RBPJ: variants seen among roughly 807,000 people sequenced by gnomAD.
RBPJ encodes the protein recombining binding protein suppressor of hairless.
Under a neutral mutation model 67.8 loss-of-function variants are expected in RBPJ, and 9 were observed. The observed-to-expected ratio is 0.13, with a 90% CI of 0.08 to 0.23. RBPJ has a LOEUF of 0.23. Among genes scored for constraint, RBPJ ranks in the 10% least tolerant of loss-of-function variants. The probability of loss-of-function intolerance (pLI) is 1.00; values close to 1 mark genes in which losing one functional copy is unlikely to be tolerated. For synonymous variants in RBPJ, 198 were observed against 203.3 expected (o/e 0.97, Z 0.22); for missense variants, 305 against 595.6 (o/e 0.51, Z 5.08).
intron 2 of RBPJ, among the ~76,000 whole-genome samples, chr4:26,392,314 C>T (rs918771560): frequency 1.2e-4 from 18 of 152,160 alleles, no homozygotes; most frequent in African/African-American, 4.3e-4. Context: ...TCCATTCCTA[C>T]ATATTTAATC....
the RBPJ span, among the ~76,000 whole-genome samples, chr4:26,132,912 C>T: frequency 2.6e-5 from 4 of 152,184 alleles, no homozygotes; most frequent in Non-Finnish European, 5.9e-5. Flanking sequence ...GGCCCTGCTC[C>T]ATCATAGGTG....
intron 1 of RBPJ, among the ~76,000 whole-genome samples, chr4:26,205,795 G>A (rs866715586): frequency 6.6e-6 from 1 of 151,892 alleles, no homozygotes; most frequent in Non-Finnish European, 1.5e-5. Flanking sequence ...GTTTCACCAT[G>A]TTGGCCAGGC....
chr4:26,202,478 T>C (rs1214170076), intron 1 of RBPJ, among the ~76,000 whole-genome samples: 4 of 151,562 alleles, frequency 2.6e-5, no homozygotes, highest in African/African-American at 4.8e-5. Flanking sequence ...CACTCTTTCC[T>C]ATCTCAATAA....
At chr4:26,295,815 C>T (rs1310079048) in intron 1 of RBPJ, among the ~76,000 whole-genome samples, 2 of 152,176 alleles carry the variant, frequency 1.3e-5, no homozygotes, top group Admixed American at 6.5e-5. Context: ...TAGGGATTTC[C>T]TGCCTCTACA....
intron 5 of RBPJ, 59 bp downstream of exon 5, chr4:26,420,784 T>C: frequency 7.2e-7 from 1 of 1,388,676 alleles, no homozygotes; most frequent in South Asian, 1.6e-5. Context: ...AGACAGACTC[T>C]TTTTTAAATT....
At chr4:26,124,461 T>TAC in the RBPJ span, among the ~76,000 whole-genome samples, 8 of 121,328 alleles carry the variant, frequency 6.6e-5, no homozygotes, top group East Asian at 2.7e-4. Flanking sequence ...TATATATATA[T>TAC]ACCAGTTTCT....
intron 1 of RBPJ, among the ~76,000 whole-genome samples, chr4:26,194,618 G>A (rs1353019525): frequency 1.3e-5 from 2 of 152,166 alleles, no homozygotes; most frequent in Non-Finnish European, 2.9e-5. Flanking sequence ...GGGCCTGTAG[G>A]CCCCCACCTA....
chr4:26,247,572 G>A (rs549881572), intron 1 of RBPJ, among the ~76,000 whole-genome samples: 17 of 151,994 alleles, frequency 1.1e-4, no homozygotes, highest in South Asian at 2.1e-4. Context: ...CACCGCGTCC[G>A]GCTAATTTGG....
the RBPJ span, among the ~76,000 whole-genome samples, chr4:26,136,094 T>C: frequency 1.8e-4 from 28 of 152,146 alleles, no homozygotes; most frequent in African/African-American, 6.0e-4. Flanking sequence ...AGCCATCAGA[T>C]CCCGTGAGAC....
chr4:26,285,069 C>G (rs1171214314), intron 1 of RBPJ, among the ~76,000 whole-genome samples: 1 of 151,924 alleles, frequency 6.6e-6, no homozygotes, highest in African/African-American at 2.4e-5. Context: ...ATTGGCCAGG[C>G]TGATCTCGAA....
intron 7 of RBPJ, among the ~76,000 whole-genome samples, chr4:26,427,105 T>C (rs903877912): frequency 1.3e-5 from 2 of 151,374 alleles, no homozygotes; most frequent in Non-Finnish European, 2.9e-5. Flanking sequence ...GAGGCAAGAG[T>C]TGATGCTATC....
At chr4:26,107,956 G>C in the RBPJ span, among the ~76,000 whole-genome samples, 3 of 152,062 alleles carry the variant, frequency 2.0e-5, no homozygotes, top group Admixed American at 2.0e-4. Flanking sequence ...CTGCTTCATC[G>C]TGTAATGTGT....
At chr4:26,244,710 C>T (rs534054266) in intron 1 of RBPJ, among the ~76,000 whole-genome samples, 1 of 152,148 alleles carries the variant, frequency 6.6e-6, no homozygotes, top group South Asian at 2.1e-4. Context: ...TTGCTGCAAC[C>T]TCTGCCTCCC....
At chr4:26,179,288 T>G (rs1716899332) in intron 1 of RBPJ, among the ~76,000 whole-genome samples, 1 of 150,286 alleles carries the variant, frequency 6.7e-6, no homozygotes, top group Non-Finnish European at 1.5e-5. Flanking sequence ...GTGAGGTGAT[T>G]ACTGTGTTTT....
the RBPJ span, among the ~76,000 whole-genome samples, chr4:26,121,351 G>A: frequency 1.3e-5 from 2 of 152,066 alleles, no homozygotes; most frequent in African/African-American, 2.4e-5. Flanking sequence ...AGACAAGTTT[G>A]TGCCCAAATA....
At position 26,433,978 on chromosome 4, in the gene RBPJ, A is replaced by G. The variant is rs1185493800; in HGVS notation, c.*2971A>G. 6.6e-6 allele frequency: 1 copy of G among 152,198 alleles called. No individual in the cohort carries two copies. The highest frequency in any genetic ancestry group is 1.5e-5 in the Non-Finnish European group (1 of 68,024). The allele number at this position is 152,198 out of a possible 1,614,324, so 9.4% of individuals were successfully genotyped here. The stretch of plus-strand genomic sequence containing the variant: ...AAATGTATCTTATGCTCTCATGACT[A>G]TGCAGTTTCTAAACATACACATAGA... On this transcript the variant is annotated 3_prime_UTR_variant, in exon 11 of 11. Coordinates refer to ENST00000355476, the MANE Select transcript of RBPJ (RefSeq NM_015874.6).
chr4:26,164,057 C>T (rs1716164062), intron 1 of RBPJ, among the ~76,000 whole-genome samples: 1 of 152,194 alleles, frequency 6.6e-6, no homozygotes, highest in African/African-American at 2.4e-5. Flanking sequence ...TAGATGTTTT[C>T]TTTTAAATAA....
chr4:26,347,844 G>A (rs1240464858), intron 1 of RBPJ, among the ~76,000 whole-genome samples: 1 of 152,128 alleles, frequency 6.6e-6, no homozygotes, highest in Non-Finnish European at 1.5e-5. Flanking sequence ...TGAATTAAAA[G>A]GGGGTAACTG....
At chr4:26,245,911 C>A (rs977550099) in intron 1 of RBPJ, among the ~76,000 whole-genome samples, 2 of 152,176 alleles carry the variant, frequency 1.3e-5, no homozygotes, top group Admixed American at 1.3e-4. Flanking sequence ...AAATTCAATT[C>A]TTTCACTCTA....
Sources: allele counts gnomAD v4.1 joint callset (sites outside exome capture counted in the v4.1 genomes callset), GRCh38; gene constraint gnomAD v4.1.1; transcripts MANE v1.5; gene names NCBI Gene and HGNC (gene_info 2026-07-23, HGNC 2026-07-21).